REPS1: variants seen among roughly 807,000 people sequenced by gnomAD.
REPS1 encodes the protein RALBP1 associated Eps domain containing 1.
Under a neutral mutation model 100.9 loss-of-function variants are expected in REPS1, and 39 were observed. The ratio of observed to expected loss-of-function variants is 0.39; its 90% CI spans 0.30 to 0.50. REPS1 has a LOEUF of 0.50. Ranked by LOEUF, REPS1 falls within the 20% of genes least tolerant of loss-of-function variation. The pLI is 0.86. For synonymous variants in REPS1, 324 were observed against 340.3 expected, an observed-to-expected ratio of 0.95 and a Z score of 0.53; for missense variants, 821 against 968.5, an observed-to-expected ratio of 0.85 and a Z score of 2.02.
chr6:138,977,751 T>C (rs1176577797), intron 1 of REPS1, among the ~76,000 whole-genome samples: 2 of 152,254 alleles, frequency 1.3e-5, no homozygotes, highest in Non-Finnish European at 2.9e-5. Flanking sequence ...TTCATTTCTC[T>C]TGGGCAGATT....
chr6:138,905,256 A>G lies in REPS1; in HGVS notation c.2323-124T>C, dbSNP rs542016369. The G allele has an allele frequency of 2.6e-5, 16 of 620,758 alleles. No individual in the cohort carries two copies. The South Asian group carries it at 2.6e-4, about 10-fold the overall frequency. 38.5% of individuals were successfully genotyped at this position (620,758 alleles called of 1,614,324 possible). A position where few individuals can be genotyped will look rare whatever the true frequency, so the allele number is the denominator to read the frequency against. ...AAGACAACTAAGGGAGAGCTTATTC[A>G]TATTTTAAAAGTATACTTCACTTTA... On this transcript the variant is annotated intron_variant, in intron 19 of 19. Transcript: ENST00000450536.
At chr6:138,967,974 C>T (rs1366283216) in intron 1 of REPS1, among the ~76,000 whole-genome samples, 3 of 152,126 alleles carry the variant, frequency 2.0e-5, no homozygotes, top group Admixed American at 6.5e-5. Flanking sequence ...AGTACAGATG[C>T]TCCTTAACTT....
chr6:138,935,175 G>A (rs868568587), intron 8 of REPS1, among the ~76,000 whole-genome samples: 5 of 152,254 alleles, frequency 3.3e-5, no homozygotes, highest in Middle Eastern at 6.8e-3. Flanking sequence ...TACCTTAAAA[G>A]GGGGTCTATG....
At chr6:138,941,747 A>G (rs969386142) in intron 7 of REPS1, among the ~76,000 whole-genome samples, 3 of 152,222 alleles carry the variant, frequency 2.0e-5, no homozygotes, top group African/African-American at 7.2e-5. Context: ...AAGCAGCCCC[A>G]ATAATTAAGG....
chr6:138,941,965 A>G (rs758004176), intron 7 of REPS1, among the ~76,000 whole-genome samples: 18 of 152,018 alleles, frequency 1.2e-4, no homozygotes, highest in Non-Finnish European at 2.4e-4. Flanking sequence ...TGCAACCTCC[A>G]CCTCCTGGGT....
chr6:138,963,815 T>C (rs1783869488), intron 1 of REPS1, among the ~76,000 whole-genome samples: 1 of 152,134 alleles, frequency 6.6e-6, no homozygotes, highest in African/African-American at 2.4e-5. Context: ...AATATTTTCT[T>C]TCCTTACAAA....
intron 15 of REPS1, among the ~76,000 whole-genome samples, chr6:138,914,215 G>A (rs927347022): frequency 7.2e-5 from 11 of 151,738 alleles, no homozygotes; most frequent in African/African-American, 2.7e-4. Flanking sequence ...GACTACAGGT[G>A]CACACCACCA....
chr6:138,961,485 G>A (rs9403017), intron 1 of REPS1, among the ~76,000 whole-genome samples: 96,594 of 151,922 alleles, frequency 0.64, 32,523 homozygotes, highest in East Asian at 0.87. Context: ...TCGGCCTCCC[G>A]AAGTACTAGG....
chr6:138,943,608 A>T, intron 6 of REPS1, 32 bp from the exon 7 acceptor site: 1 of 1,466,442 alleles, frequency 6.8e-7, no homozygotes, highest in Non-Finnish European at 9.5e-7. Context: ...GTTTAATGTT[A>T]TTCTGAACTT....
chr6:138,933,414 G>A (rs920733154), intron 8 of REPS1, among the ~76,000 whole-genome samples: 12 of 152,110 alleles, frequency 7.9e-5, no homozygotes, highest in Non-Finnish European at 1.5e-5. Flanking sequence ...ACTGAAATTT[G>A]AATTTCATAC....
intron 1 of REPS1, among the ~76,000 whole-genome samples, chr6:138,966,687 T>C (rs887687515): frequency 1.3e-5 from 2 of 152,192 alleles, no homozygotes; most frequent in Admixed American, 6.5e-5. Flanking sequence ...TATAACAGTT[T>C]TAGTATGTTA....
At chr6:138,908,445 C>T (rs1439717760) in intron 18 of REPS1, among the ~76,000 whole-genome samples, 7 of 152,084 alleles carry the variant, frequency 4.6e-5, no homozygotes, top group South Asian at 2.1e-4. Context: ...CAGGTGTGTA[C>T]CACCACACCC....
rs577386468 is a variant in REPS1, at chr6:138,911,767, T to C, written c.1972-396A>G. On this transcript the variant is annotated intron_variant, in intron 16 of 19. Coordinates refer to ENST00000450536, the MANE Select transcript of REPS1 (RefSeq NM_001286611.2). ...ATGTGTGAGGGAGAGGAGGATGGGG[T>C]GAGGATGCAGGTAGTAGATGTGTGA... Among the ~76,000 whole-genome samples, 12 of 119,958 alleles carry C rather than the reference T, an allele frequency of 1.0e-4. No individual in the cohort carries two copies. The East Asian group carries it at 2.2e-3, about 22-fold the overall frequency. 78.7% of individuals were successfully genotyped at this position (119,958 alleles called of 152,430 possible). A position where few individuals can be genotyped will look rare whatever the true frequency, so the allele number is the denominator to read the frequency against.
chr6:138,957,360 C>T (rs1448297716), intron 1 of REPS1, among the ~76,000 whole-genome samples: 1 of 152,140 alleles, frequency 6.6e-6, no homozygotes, highest in African/African-American at 2.4e-5. Context: ...AGCAGTAACA[C>T]TGAATATCAG....
chr6:138,915,029 C>A, intron 14 of REPS1: 1 of 395,350 alleles, frequency 2.5e-6, no homozygotes, highest in Non-Finnish European at 4.5e-6. Flanking sequence ...AGCAAACAAT[C>A]TTGATTTTCT....
chr6:138,943,488 C>A, intron 7 of REPS1, 25 bp downstream of exon 7: 1 of 1,461,154 alleles, frequency 6.8e-7, no homozygotes, highest in Non-Finnish European at 9.5e-7. Flanking sequence ...ACCCAGTTAC[C>A]CAACTAATGA....
chr6:138,983,826 C>A (rs759309398), intron 1 of REPS1, among the ~76,000 whole-genome samples: 1 of 152,154 alleles, frequency 6.6e-6, no homozygotes, highest in Non-Finnish European at 1.5e-5. Context: ...GCTGTAAGAA[C>A]CAGCAGTTGG....
chr6:138,923,439 G>A (rs1259552682), intron 10 of REPS1, among the ~76,000 whole-genome samples: 3 of 151,988 alleles, frequency 2.0e-5, no homozygotes, highest in Non-Finnish European at 4.4e-5. Flanking sequence ...ATCTATATTC[G>A]ACGTATGTGT....
intron 13 of REPS1, among the ~76,000 whole-genome samples, chr6:138,916,556 T>C (rs1243424744): frequency 6.6e-6 from 1 of 152,170 alleles, no homozygotes; most frequent in East Asian, 1.9e-4. Context: ...GATTTCATAA[T>C]AGACTGCATA....
Sources: allele counts gnomAD v4.1 joint callset (sites outside exome capture counted in the v4.1 genomes callset), GRCh38; gene constraint gnomAD v4.1.1; transcripts MANE v1.5; gene names NCBI Gene and HGNC (gene_info 2026-07-23, HGNC 2026-07-21).